Variants in TPH2 observed in about 807,000 individuals in gnomAD.
TPH2 encodes the protein tryptophan hydroxylase 2.
Under a neutral mutation model 59.1 loss-of-function variants are expected in TPH2, and 27 were observed. The observed-to-expected ratio is 0.46, with a 90% CI of 0.34 to 0.63. The LOEUF (loss-of-function observed/expected upper bound fraction) is 0.63, where lower values mean the gene tolerates loss of function less well. Ranked by LOEUF, TPH2 falls within the 30% of genes least tolerant of loss-of-function variation. TPH2 has a pLI of 0.01. For missense variants in TPH2, 523 were observed against 588.3 expected (o/e 0.89, Z 1.15); for synonymous variants, 220 against 210.5 (o/e 1.05, Z -0.39).
At chr12:71,966,119 T>G (rs1343915712) in intron 5 of TPH2, among the ~76,000 whole-genome samples, 1 of 152,204 alleles carries the variant, frequency 6.6e-6, no homozygotes, top group African/African-American at 2.4e-5. Context: ...CAAATAGCTC[T>G]CTGGAAATTA....
intron 5 of TPH2, chr12:71,961,615 C>A: frequency 7.4e-7 from 1 of 1,352,072 alleles, no homozygotes; most frequent in Non-Finnish European, 9.8e-7. Flanking sequence ...GTATCAAGTT[C>A]TTTGAGCTCA....
intron 8 of TPH2, among the ~76,000 whole-genome samples, chr12:72,019,181 C>G (rs1873343500): frequency 6.6e-6 from 1 of 152,152 alleles, no homozygotes; most frequent in Admixed American, 6.5e-5. Flanking sequence ...ATTTACTTCT[C>G]CCAACCCCCT....
At chr12:71,944,061 T>A (rs2139178557) in intron 2 of TPH2, among the ~76,000 whole-genome samples, 1 of 152,242 alleles carries the variant, frequency 6.6e-6, no homozygotes, top group South Asian at 2.1e-4. Flanking sequence ...TAAATGCCCC[T>A]TCTATTTTTT....
At chr12:72,031,020 TC>T (rs1873706839) in intron 9 of TPH2, among the ~76,000 whole-genome samples, 2 of 152,186 alleles carry the variant, frequency 1.3e-5, no homozygotes, top group African/African-American at 4.8e-5. Context: ...AATACCACAA[TC>T]TCATTTTCTC....
chr12:72,000,706 A>G (rs948645942), intron 8 of TPH2, among the ~76,000 whole-genome samples: 1 of 152,210 alleles, frequency 6.6e-6, no homozygotes, highest in African/African-American at 2.4e-5. Context: ...CACCAGATAA[A>G]TATCATGCAG....
chr12:71,976,852 G>A (rs941210959), intron 6 of TPH2, among the ~76,000 whole-genome samples: 11 of 152,132 alleles, frequency 7.2e-5, no homozygotes, highest in African/African-American at 2.4e-4. Flanking sequence ...CTTCCAGGAC[G>A]TTATGCTAAA....
chr12:71,961,482 C>T (rs1414732252), intron 5 of TPH2: 1 of 1,316,546 alleles, frequency 7.6e-7, no homozygotes, highest in East Asian at 4.6e-5. Flanking sequence ...TGTTCTGTCT[C>T]TTTCAAACAA....
intron 7 of TPH2, among the ~76,000 whole-genome samples, chr12:71,985,746 A>C (rs931430240): frequency 6.6e-6 from 1 of 151,790 alleles, no homozygotes; most frequent in African/African-American, 2.4e-5. Flanking sequence ...ATTTGCTAGA[A>C]CCCTAAAGAC....
intron 8 of TPH2, among the ~76,000 whole-genome samples, chr12:72,001,679 A>G (rs1872826986): frequency 6.6e-6 from 1 of 152,108 alleles, no homozygotes; most frequent in South Asian, 2.1e-4. Flanking sequence ...CGGCCTCCCA[A>G]AGTGCTGGGA....
chr12:72,015,093 C>T (rs1367164883), intron 8 of TPH2, among the ~76,000 whole-genome samples: 2 of 152,110 alleles, frequency 1.3e-5, no homozygotes, highest in African/African-American at 4.8e-5. Context: ...TGTAAACTGA[C>T]ATTTTGATAT....
chr12:72,000,653 C>T (rs769207891), intron 8 of TPH2, among the ~76,000 whole-genome samples: 3 of 152,166 alleles, frequency 2.0e-5, no homozygotes, highest in Non-Finnish European at 4.4e-5. Flanking sequence ...ATCCTTATTT[C>T]CATATTTTGC....
chr12:71,953,482 C>G (rs1871409726), intron 5 of TPH2, among the ~76,000 whole-genome samples: 1 of 152,102 alleles, frequency 6.6e-6, no homozygotes, highest in Admixed American at 6.6e-5. Context: ...TCCATTTTCT[C>G]CAGGCTGCCA....
In TPH2 at chr12:72,031,828, T is replaced by A. The variant is rs1272891963; in HGVS notation, c.*133T>A. 1.0e-6 allele frequency: 1 copy of A among 994,816 alleles called. No individual in the cohort carries two copies. The highest frequency in any genetic ancestry group is 1.6e-5 in the African/African-American group (1 of 62,694). The allele number at this position is 994,816 out of a possible 1,614,324, so 61.6% of individuals were successfully genotyped here. A position where few individuals can be genotyped will look rare whatever the true frequency, so the allele number is the denominator to read the frequency against. On this transcript the variant is annotated 3_prime_UTR_variant, in exon 11 of 11. Transcript: ENST00000333850. Reference sequence around the variant, plus strand: ...CATGCAATTCCATATATCTATACCATCTTGTAACTCACTGTGTTAGTATAT... The same window carrying A: ...CATGCAATTCCATATATCTATACCAACTTGTAACTCACTGTGTTAGTATAT...
chr12:71,967,325 A>C (rs1871844819), intron 5 of TPH2, among the ~76,000 whole-genome samples: 1 of 152,256 alleles, frequency 6.6e-6, no homozygotes, highest in African/African-American at 2.4e-5. Context: ...TGCCTCCCAC[A>C]GCCTTCAATA....
intron 8 of TPH2, among the ~76,000 whole-genome samples, chr12:72,006,934 C>T (rs1384052289): frequency 6.6e-6 from 1 of 152,048 alleles, no homozygotes; most frequent in East Asian, 1.9e-4. Context: ...TGCCAGCTAG[C>T]ATGTTTCACA....
intron 8 of TPH2, among the ~76,000 whole-genome samples, chr12:72,008,156 A>G (rs916448750): frequency 6.6e-6 from 1 of 152,318 alleles, no homozygotes; most frequent in South Asian, 2.1e-4. Flanking sequence ...AAGATGGCTG[A>G]TCAAAGGTGG....
At position 72,028,951 on chromosome 12, in the gene TPH2, G is replaced by T. The variant is rs1284477028; in HGVS notation, c.1165-2307G>T. 2.6e-5 allele frequency among the ~76,000 whole-genome samples: 4 copies of T among 152,194 alleles called. No homozygotes were observed. The East Asian group carries it at 7.7e-4, about 29-fold the overall frequency. ...CTGGGGCAGAGTGCCGTATGCTCTGGGCCTTTTCTTGATCTACTTTAATGC... is the reference window on the plus strand; with the variant it reads ...CTGGGGCAGAGTGCCGTATGCTCTGTGCCTTTTCTTGATCTACTTTAATGC... On this transcript the variant is annotated intron_variant, in intron 9 of 10. Coordinates refer to ENST00000333850, the MANE Select transcript of TPH2 (RefSeq NM_173353.4).
At chr12:72,012,079 A>T (rs780057718) in intron 8 of TPH2, among the ~76,000 whole-genome samples, 40 of 152,152 alleles carry the variant, frequency 2.6e-4, no homozygotes, top group Non-Finnish European at 4.9e-4. Flanking sequence ...CTTCTTGCTT[A>T]TCTATTTCCT....
chr12:71,945,741 A>G (rs1871182191), intron 4 of TPH2, among the ~76,000 whole-genome samples: 1 of 152,278 alleles, frequency 6.6e-6, no homozygotes, highest in African/African-American at 2.4e-5. Flanking sequence ...GAAATCTTCA[A>G]TTAAACCAGT....
Sources: gnomAD v4.1 joint callset for allele counts (sites outside exome capture counted in the v4.1 genomes callset) on GRCh38, gnomAD v4.1.1 for gene constraint, MANE v1.5 for transcripts, NCBI Gene and HGNC (gene_info 2026-07-23, HGNC 2026-07-21) for gene names.